Variants in WDR62 observed in about 807,000 individuals in gnomAD.
WDR62 encodes WD repeat-containing protein 62.
In WDR62, 112 loss-of-function variants were observed where a neutral mutation model predicts 160.6. The ratio of observed to expected loss-of-function variants is 0.70; its 90% confidence interval spans 0.60 to 0.82. WDR62 has a LOEUF of 0.82. Among genes scored for constraint, WDR62 ranks in the 40% least tolerant of loss-of-function variants. The pLI is 0.00. For synonymous variants in WDR62, 792 were observed against 815.1 expected (o/e 0.97, Z 0.48); for missense variants, 1,819 against 1,983.8 (o/e 0.92, Z 1.58).
downstream of WDR62, among the ~76,000 whole-genome samples, chr19:36,109,015 C>T (rs545620780): frequency 1.5e-4 from 23 of 152,118 alleles, no homozygotes; most frequent in East Asian, 3.5e-3. Context: ...GTGAAGAAAC[C>T]GAGGCCCAAT....
At chr19:36,104,166 T>C (rs1057179966) in intron 30 of WDR62, among the ~76,000 whole-genome samples, 185 bp downstream of exon 30, 10 of 152,240 alleles carry the variant, frequency 6.6e-5, no homozygotes, top group African/African-American at 2.4e-4. Context: ...ACATGGGACA[T>C]GGTGGTAAAC....
chr19:36,108,853 C>CAAA (rs780896466), downstream of WDR62, among the ~76,000 whole-genome samples: 2 of 50,796 alleles, frequency 3.9e-5, no homozygotes, highest in Non-Finnish European at 7.7e-5. Context: ...GGCCCTGTCT[C>CAAA]AAAAAAAAAA....
intron 3 of WDR62, among the ~76,000 whole-genome samples, chr19:36,063,061 C>T (rs1425131615): frequency 6.6e-6 from 1 of 151,972 alleles, no homozygotes; most frequent in Non-Finnish European, 1.5e-5. Context: ...TCTCCTGCCT[C>T]AGCCTCCCGA....
At chr19:36,086,903 C>T in intron 13 of WDR62, 91 bp downstream of exon 13, 7 of 1,492,898 alleles carry the variant, frequency 4.7e-6, no homozygotes, top group Non-Finnish European at 6.3e-6. Flanking sequence ...AATATATATC[C>T]AAACAAGTGA....
At chr19:36,091,088 C>T (rs1005317441) in intron 16 of WDR62, 112 bp from the exon 17 acceptor site, 2 of 908,516 alleles carry the variant, frequency 2.2e-6, no homozygotes, top group Middle Eastern at 6.4e-4. Context: ...GAGCTCCTGC[C>T]CTGCCAGAGT....
At chr19:36,070,137 T>G (rs1971217055) in intron 7 of WDR62, 1 of 146,120 alleles carries the variant, frequency 6.8e-6, no homozygotes, top group Admixed American at 7.1e-5. Flanking sequence ...ATACATAAAC[T>G]TTTATTTATT....
At chr19:36,072,338 G>A (rs1971343533) in intron 8 of WDR62, among the ~76,000 whole-genome samples, 1 of 152,156 alleles carries the variant, frequency 6.6e-6, no homozygotes, top group South Asian at 2.1e-4. Flanking sequence ...GGAATAGTAA[G>A]GGACTGTGTG....
intron 12 of WDR62, among the ~76,000 whole-genome samples, chr19:36,086,109 C>T (rs974183593): frequency 6.6e-6 from 1 of 152,082 alleles, no homozygotes; most frequent in Non-Finnish European, 1.5e-5. Context: ...GTTCTCTCAT[C>T]CCCCATGCTG....
At chr19:36,056,138 C>T (rs567447728) in intron 1 of WDR62, among the ~76,000 whole-genome samples, 1 of 152,146 alleles carries the variant, frequency 6.6e-6, no homozygotes, top group Non-Finnish European at 1.5e-5. Context: ...TGCACTCCAG[C>T]CTGGGCGACA....
At chr19:36,080,115 A>ATTT (rs57551653) in intron 9 of WDR62, among the ~76,000 whole-genome samples, 1 of 148,778 alleles carries the variant, frequency 6.7e-6, no homozygotes, top group Non-Finnish European at 1.5e-5. Context: ...TTTTTTTATT[A>ATTT]TTTTTTTTTT....
intron 18 of WDR62, 37 bp downstream of exon 18, chr19:36,091,502 T>A: frequency 6.3e-7 from 1 of 1,585,880 alleles, no homozygotes; most frequent in Non-Finnish European, 8.7e-7. Context: ...GTGGCTCAGA[T>A]ACCATGAGCA....
Position 36,094,077 on chromosome 19 carries a change from C to T in WDR62, c.2380C>T (p.Pro794Ser). The T allele has an allele frequency of 1.9e-6, 3 of 1,614,066 alleles. No homozygotes were observed. The highest frequency in any genetic ancestry group is 2.5e-6 in the Non-Finnish European group (3 of 1,179,998). ...STPSEIHSLS[P>S]GEQTEDDLEE... ...ACCTAGTGAGATTCACTCCCTGAGC[C>T]CTGGAGAGCAAACAGAGGATGATCT... The change falls in exon 20 of 32, where the codon CCT (proline) becomes TCT (serine). Residue 794 changes from proline (P) to serine (S), a missense_variant. Physicochemically the swap from Pro to Ser is moderately conservative, Grantham distance 74 (BLOSUM62 -1). Around this residue, in one of 3 missense-constraint regions of WDR62, gnomAD observed 934 missense variants for 1,157.2 expected, o/e 0.81. Transcript: ENST00000401500.
chr19:36,092,715 C>T lies in WDR62; in HGVS notation c.2237C>T (p.Pro746Leu), dbSNP rs140864528. The part of the protein sequence containing the change: ...DSCVFIWHLG[P>L]EITNCMKQHL... ...TGCGTGTTCATCTGGCACCTGGGCC[C>T]GGAGATCACCAACTGCATGAAGCAG... The change falls in exon 19 of 32, where the codon CCG becomes CTG. Residue 746 changes from proline (P) to leucine (L), a missense_variant. Around this residue, in one of 3 missense-constraint regions of WDR62, gnomAD observed 934 missense variants for 1,157.2 expected, o/e 0.81. Coordinates refer to ENST00000401500, the MANE Select transcript of WDR62 (RefSeq NM_001083961.2). 2.0e-5 allele frequency: 32 copies of T among 1,614,166 alleles called. No homozygotes were observed. The highest frequency in any genetic ancestry group is 1.6e-4 in the Middle Eastern group (1 of 6,062).
At chr19:36,058,956 C>G (rs1333649662) in intron 2 of WDR62, 85 bp downstream of exon 2, 1 of 1,158,338 alleles carries the variant, frequency 8.6e-7, no homozygotes, top group African/African-American at 1.5e-5. Context: ...TCGCTCTGAG[C>G]CTCATATTTT....
At chr19:36,108,181 C>T (rs954817050), downstream of WDR62, among the ~76,000 whole-genome samples, 10 of 152,100 alleles carry the variant, frequency 6.6e-5, no homozygotes, top group Non-Finnish European at 1.3e-4. Flanking sequence ...TGACCTTACT[C>T]CCCTCCTGCA....
At chr19:36,055,255 A>G (rs972337469) in intron 1 of WDR62, 107 bp downstream of exon 1, 2 of 1,301,084 alleles carry the variant, frequency 1.5e-6, no homozygotes, top group Non-Finnish European at 2.1e-6. Flanking sequence ...CAGTCCCCTC[A>G]GGTTGTTCCC....
chr19:36,073,451 A>G lies in WDR62; in HGVS notation c.1153A>G (p.Ile385Val), dbSNP rs746866481. ...CGTGTATAAGGACCACAGCATCTAC[A>G]TCTGGGATGTCAAGGACATCAACAG... is the stretch of plus-strand genomic sequence containing the variant. ...SCVYKDHSIY[I>V]WDVKDINRVG... Residue 385 changes from isoleucine to valine, a missense_variant, in exon 9 of 32, where the codon ATC becomes GTC. Around this residue, in one of 3 missense-constraint regions of WDR62, gnomAD observed 934 missense variants for 1,157.2 expected, o/e 0.81. Coordinates refer to ENST00000401500, the MANE Select transcript of WDR62 (RefSeq NM_001083961.2). The G allele has an allele frequency of 2.5e-6, 4 of 1,613,908 alleles. No homozygotes were observed. Among genetic ancestry groups the G allele is most frequent in the Non-Finnish European group, 3.4e-6 (4 of 1,180,002 alleles).
intron 12 of WDR62, among the ~76,000 whole-genome samples, chr19:36,086,132 A>G (rs912847077): frequency 6.6e-6 from 1 of 151,994 alleles, no homozygotes; most frequent in Non-Finnish European, 1.5e-5. Context: ...TGCCCCACCA[A>G]CTTGTCTTGA....
rs1335500250 is a variant in WDR62, at chr19:36,084,635, G to A, written c.1551-18G>A. The A allele has an allele frequency of 1.2e-6, 2 of 1,612,954 alleles. No homozygotes were observed. Among genetic ancestry groups the A allele is most frequent in the Admixed American group, 3.3e-5 (2 of 60,000 alleles). On this transcript the variant is annotated intron_variant, in intron 11 of 31. Coordinates refer to ENST00000401500, the MANE Select transcript of WDR62 (RefSeq NM_001083961.2). ...GGGCTGGGGTGTGGGGCTTCAGCGGGCGGTGTGTGTCTCCCAGGATCCACG... is the reference window on the plus strand; with the variant it reads ...GGGCTGGGGTGTGGGGCTTCAGCGGACGGTGTGTGTCTCCCAGGATCCACG...
Sources: gnomAD v4.1 joint callset for allele counts (sites outside exome capture counted in the v4.1 genomes callset) on GRCh38, gnomAD v4.1.1 for gene constraint, gnomAD v4.1.1 regional missense constraint, MANE v1.5 for transcripts, NCBI Gene and HGNC (gene_info 2026-07-23, HGNC 2026-07-21) for gene names.